Variants in PPP2R2B observed in about 807,000 individuals in gnomAD.
PPP2R2B encodes protein phosphatase 2 regulatory subunit Bbeta.
Under a neutral mutation model 46.0 loss-of-function variants are expected in PPP2R2B, and 5 were observed. The observed-to-expected ratio is 0.11, with a 90% confidence interval of 0.06 to 0.23. The LOEUF (loss-of-function observed/expected upper bound fraction) is 0.23. PPP2R2B is among the 10% of genes least tolerant of loss of function. The pLI, the probability that PPP2R2B is intolerant of heterozygous loss-of-function variation, is 1.00. For missense variants in PPP2R2B, 367 were observed against 575.0 expected, an observed-to-expected ratio of 0.64 and a Z score of 3.70; for synonymous variants, 215 against 206.7, an observed-to-expected ratio of 1.04 and a Z score of -0.34.
Position 147,040,334 on chromosome 5 carries a change from A to T in PPP2R2B, c.79+15331T>A, listed in dbSNP as rs74887084. Reference sequence around the variant, plus strand: ...CTTTGGCCACTGCCTCACCTATAGGATCACTTCCATTTATCATCTCAGCTC... The same window carrying T: ...CTTTGGCCACTGCCTCACCTATAGGTTCACTTCCATTTATCATCTCAGCTC... On this transcript the variant is annotated intron_variant, in intron 1 of 8. Coordinates refer to the PPP2R2B transcript ENST00000336640. Among the ~76,000 whole-genome samples the T allele has an allele frequency of 5.8e-4, 89 of 152,278 alleles. 2 individuals are homozygous for T. The East Asian group carries it at 0.012, about 20-fold the overall frequency.
intron 5 of PPP2R2B, among the ~76,000 whole-genome samples, chr5:146,683,123 A>T (rs1008706785): frequency 6.6e-6 from 1 of 152,000 alleles, no homozygotes; most frequent in Non-Finnish European, 1.5e-5. Context: ...AGATGTTCCC[A>T]GAGTCTGATG....
intron 2 of PPP2R2B, among the ~76,000 whole-genome samples, chr5:146,856,820 CAG>C (rs1204017842): frequency 6.6e-6 from 1 of 152,154 alleles, no homozygotes; most frequent in Non-Finnish European, 1.5e-5. Flanking sequence ...AGAAGACAGA[CAG>C]AGAGCCACGG....
chr5:146,708,397 GTGTGTGTGTA>G lies in PPP2R2B; in HGVS notation c.71-7265_71-7256del, dbSNP rs1189629611. Reference sequence around the variant, plus strand: ...ACTGTATATCTGTATATCTATGTATGTGTGTGTGTATGTGTGTGTGTGTGTGTGTGTGTGT... The same window carrying G: ...ACTGTATATCTGTATATCTATGTATGTGTGTGTGTGTGTGTGTGTGTGTGT... On this transcript the variant is annotated intron_variant, in intron 2 of 9. Coordinates refer to ENST00000394411, the MANE Select transcript of PPP2R2B (RefSeq NM_181675.4). Among the ~76,000 whole-genome samples the G allele has an allele frequency of 3.3e-3, 415 of 125,348 alleles. 1 individual carries two copies. Among genetic ancestry groups the G allele is most frequent in the African/African-American group, 0.012 (380 of 31,646 alleles). The allele number at this position is 125,348 out of a possible 152,430, so 82.2% of individuals were successfully genotyped here.
intron 1 of PPP2R2B, among the ~76,000 whole-genome samples, chr5:147,054,896 G>GA (rs1290306447): frequency 1.3e-5 from 2 of 152,152 alleles, no homozygotes; most frequent in Non-Finnish European, 2.9e-5. Context: ...ATCACATATA[G>GA]AAGGTATACA....
At chr5:146,824,318 T>C (rs1758441001) in intron 2 of PPP2R2B, among the ~76,000 whole-genome samples, 1 of 146,202 alleles carries the variant, frequency 6.8e-6, no homozygotes. Flanking sequence ...ATGTTCACAT[T>C]GGTAGTGAGT....
chr5:146,883,572 T>G (rs1762234769), upstream of PPP2R2B, among the ~76,000 whole-genome samples: 1 of 152,216 alleles, frequency 6.6e-6, no homozygotes, highest in Non-Finnish European at 1.5e-5. Flanking sequence ...TTGGACTTTC[T>G]CATTATGTAT....
intron 2 of PPP2R2B, among the ~76,000 whole-genome samples, chr5:146,740,350 C>T (rs993607715): frequency 6.6e-6 from 1 of 152,054 alleles, no homozygotes; most frequent in Non-Finnish European, 1.5e-5. Context: ...CTAAGAGCAC[C>T]TGATAGTTAA....
chr5:146,665,896 G>A (rs1268250193), intron 5 of PPP2R2B, among the ~76,000 whole-genome samples: 1 of 152,184 alleles, frequency 6.6e-6, no homozygotes, highest in African/African-American at 2.4e-5. Context: ...GACATGAAAT[G>A]AGCACATGCT....
chr5:146,717,175 C>A (rs2151188915), intron 2 of PPP2R2B, among the ~76,000 whole-genome samples: 1 of 152,294 alleles, frequency 6.6e-6, no homozygotes, highest in Admixed American at 6.5e-5. Context: ...GCCTGGGACA[C>A]CTCTGAAATA....
intron 2 of PPP2R2B, chr5:146,707,376 C>A: frequency 1.2e-6 from 1 of 803,318 alleles, no homozygotes; most frequent in South Asian, 1.3e-5. Flanking sequence ...TGGGGTTCAC[C>A]TTCAGGTTAA....
chr5:146,795,191 A>G (rs1756448878), intron 2 of PPP2R2B, among the ~76,000 whole-genome samples: 1 of 152,120 alleles, frequency 6.6e-6, no homozygotes, highest in African/African-American at 2.4e-5. Context: ...ACTTCTGACT[A>G]TATATCCAAA....
chr5:146,678,829 C>A, intron 5 of PPP2R2B, among the ~76,000 whole-genome samples: 3 of 113,714 alleles, frequency 2.6e-5, no homozygotes, highest in African/African-American at 9.7e-5. Flanking sequence ...AGGAATCCAA[C>A]TTACAAGGGA....
rs137948560 is a variant in PPP2R2B, at chr5:146,694,465, C to G, written c.335-3225G>C. Among the ~76,000 whole-genome samples, 4 of 152,246 alleles carry G rather than the reference C, an allele frequency of 2.6e-5. No homozygotes were observed. In the East Asian group the frequency reaches 7.7e-4, roughly 29 times the overall value. On this transcript the variant is annotated intron_variant, in intron 4 of 9. Transcript: ENST00000394411. ...TATCCCATCCCATTTGCAAAGTTAA[C>G]ATCGTATATTTTTCTTATCATGAAT...
chr5:146,658,697 C>T (rs559185467), intron 5 of PPP2R2B, among the ~76,000 whole-genome samples: 2 of 152,246 alleles, frequency 1.3e-5, no homozygotes, highest in Non-Finnish European at 2.9e-5. Flanking sequence ...CTTCCTTTTT[C>T]AAAAGAAAGA....
At chr5:146,813,241 A>T (rs1582168630) in intron 2 of PPP2R2B, among the ~76,000 whole-genome samples, 1 of 152,208 alleles carries the variant, frequency 6.6e-6, no homozygotes, top group South Asian at 2.1e-4. Context: ...CATTAAAAAA[A>T]ACCCCTCTCT....
chr5:146,897,808 GAA>G (rs34021321), intron 1 of PPP2R2B, among the ~76,000 whole-genome samples: 4 of 149,054 alleles, frequency 2.7e-5, no homozygotes, highest in East Asian at 1.9e-4. Context: ...TAGAGAATAA[GAA>G]AAAAAAAACA....
At chr5:146,632,142 T>C (rs1774477814) in intron 7 of PPP2R2B, among the ~76,000 whole-genome samples, 1 of 141,694 alleles carries the variant, frequency 7.1e-6, no homozygotes, top group Non-Finnish European at 1.5e-5. Flanking sequence ...ATAGAGCCTT[T>C]CAACAGGTAA....
chr5:146,997,322 G>A (rs937013652), intron 1 of PPP2R2B, among the ~76,000 whole-genome samples: 2 of 152,148 alleles, frequency 1.3e-5, no homozygotes, highest in Non-Finnish European at 2.9e-5. Context: ...TCTGACCCCT[G>A]GTAAAAAACA....
At chr5:146,853,590 T>G (rs1050858667) in intron 2 of PPP2R2B, among the ~76,000 whole-genome samples, 1 of 152,224 alleles carries the variant, frequency 6.6e-6, no homozygotes, top group East Asian at 1.9e-4. Flanking sequence ...AAAACCCTAA[T>G]TGAGTAACTA....
Sources: allele counts gnomAD v4.1 joint callset (sites outside exome capture counted in the v4.1 genomes callset), GRCh38; gene constraint gnomAD v4.1.1; transcripts MANE v1.5; gene names NCBI Gene and HGNC (gene_info 2026-07-23, HGNC 2026-07-21).